Variants in SLC12A1 observed in about 807,000 individuals in gnomAD.
SLC12A1 encodes solute carrier family 12 member 1.
SLC12A1 carries 89 observed loss-of-function variants against 130.4 expected under a neutral mutation model. That is an observed-to-expected ratio of 0.68 (90% CI 0.58 to 0.81). SLC12A1 has a LOEUF of 0.81. SLC12A1 is among the 40% of genes least tolerant of loss of function. SLC12A1 has a pLI of 0.00. For missense variants in SLC12A1, 1,310 were observed against 1,336.4 expected, an observed-to-expected ratio of 0.98 and a Z score of 0.31; for synonymous variants, 499 against 460.0, an observed-to-expected ratio of 1.08 and a Z score of -1.09.
At chr15:48,212,843 T>C in intron 2 of SLC12A1, among the ~76,000 whole-genome samples, 1 of 152,162 alleles carries the variant, frequency 6.6e-6, no homozygotes, top group East Asian at 1.9e-4. Context: ...ATGAAATGAC[T>C]ATATTTGGAT....
intron 9 of SLC12A1, among the ~76,000 whole-genome samples, chr15:48,236,554 A>G (rs2041442326): frequency 6.6e-6 from 1 of 152,186 alleles, no homozygotes; most frequent in South Asian, 2.1e-4. Context: ...ACTCCATGAA[A>G]GTAGAGAGTT....
chr15:48,256,038 A>C, intron 16 of SLC12A1, 128 bp downstream of exon 16: 1 of 671,770 alleles, frequency 1.5e-6, no homozygotes, highest in Non-Finnish European at 2.7e-6. Flanking sequence ...AGTCATACAA[A>C]ACTGCCACAT....
Position 48,220,977 on chromosome 15 carries a change from T to C in SLC12A1, c.609T>C (p.Ile203=). 6.2e-7 allele frequency: 1 copy of C among 1,614,048 alleles called. No homozygotes were observed. Among genetic ancestry groups the C allele is most frequent in the Non-Finnish European group, 8.5e-7 (1 of 1,179,886 alleles). The change falls in exon 4 of 27, where the codon ATT becomes ATC. Residue 203 remains isoleucine, a synonymous_variant. Transcript: ENST00000380993. The part of the protein sequence containing the change: ...GVMLFIRLSW[I]VGEAGIGLGV... ...TGCTCTTCATTCGCCTCTCCTGGAT[T>C]GTTGGAGAAGCTGGAATTGGTAAGC...
At chr15:48,293,546 T>C (rs2042142564) in intron 24 of SLC12A1, among the ~76,000 whole-genome samples, 1 of 152,222 alleles carries the variant, frequency 6.6e-6, no homozygotes, top group South Asian at 2.1e-4. Context: ...TTGTACTTCT[T>C]GATGGATTAT....
At chr15:48,226,595 GC>G (rs771906087) in intron 5 of SLC12A1, 24 bp downstream of exon 5, 199 of 1,436,626 alleles carry the variant, frequency 1.4e-4, no homozygotes, top group Non-Finnish European at 1.9e-4. Context: ...GATATCTAAT[GC>G]CCTCATCACT....
At position 48,234,083 on chromosome 15, in the gene SLC12A1, G is replaced by A. The variant is rs78039717; in HGVS notation, c.1088-794G>A. Among the ~76,000 whole-genome samples, 112 of 152,228 alleles carry A rather than the reference G, an allele frequency of 7.4e-4. 1 individual carries two copies. The East Asian group carries it at 0.02, about 28-fold the overall frequency. ...AAGTAAAGAGATTCATGCATTAGTAGCAAAATTGTAAAGTAGACTCACACA... is the reference window on the plus strand; with the variant it reads ...AAGTAAAGAGATTCATGCATTAGTAACAAAATTGTAAAGTAGACTCACACA... On this transcript the variant is annotated intron_variant, in intron 8 of 26. Coordinates refer to ENST00000380993, the MANE Select transcript of SLC12A1 (RefSeq NM_000338.3).
intron 24 of SLC12A1, 103 bp downstream of exon 24, chr15:48,291,967 A>C: frequency 1.4e-6 from 1 of 731,860 alleles, no homozygotes; most frequent in Non-Finnish European, 2.3e-6. Context: ...TACTGCAGCG[A>C]CTTCTTGATA....
At chr15:48,262,190 A>G (rs1425726010) in intron 17 of SLC12A1, among the ~76,000 whole-genome samples, 8 of 152,210 alleles carry the variant, frequency 5.3e-5, no homozygotes, top group Admixed American at 1.3e-4. Flanking sequence ...CAGTTTGATC[A>G]TGATGTAACA....
At chr15:48,256,484 A>T (rs1249898942) in intron 16 of SLC12A1, among the ~76,000 whole-genome samples, 2 of 152,172 alleles carry the variant, frequency 1.3e-5, no homozygotes, top group Non-Finnish European at 2.9e-5. Flanking sequence ...AATACCCAAG[A>T]CTGGGTAATT....
At position 48,212,960 on chromosome 15, in the gene SLC12A1, CTG is replaced by C. The variant is rs552281904; in HGVS notation, c.420+4824_420+4825del. ...TTGAGAACTTGTTATGTTTCAGACACTGTGCTCACACTTAAAAAATTCTCACT... is the reference window on the plus strand; with the variant it reads ...TTGAGAACTTGTTATGTTTCAGACACTGCTCACACTTAAAAAATTCTCACT... On this transcript the variant is annotated intron_variant, in intron 2 of 26. Coordinates refer to ENST00000380993, the MANE Select transcript of SLC12A1 (RefSeq NM_000338.3). 1.3e-3 allele frequency among the ~76,000 whole-genome samples: 194 copies of C among 152,334 alleles called. 1 individual carries two copies. The highest frequency in any genetic ancestry group is 4.6e-3 in the African/African-American group (193 of 41,588).
At chr15:48,269,797 T>G (rs1229728915) in intron 19 of SLC12A1, 33 bp downstream of exon 19, 1 of 1,191,968 alleles carries the variant, frequency 8.4e-7, no homozygotes, top group South Asian at 1.2e-5. Context: ...TGTTCTTGTT[T>G]ATAAAGCACT....
At position 48,255,805 on chromosome 15, in the gene SLC12A1, C is replaced by T. The variant is rs1038277205; in HGVS notation, c.1943-6C>T. ...TTTTTATGCCAATTTCCTCCTTTAT[C>T]CACAGATGTGAACTGGGGCTCCTCC... On this transcript the variant is annotated splice_region_variant and splice_polypyrimidine_tract_variant and intron_variant, in intron 15 of 26. Coordinates refer to ENST00000380993, the MANE Select transcript of SLC12A1 (RefSeq NM_000338.3). 2 of 1,581,748 alleles carry T rather than the reference C, an allele frequency of 1.3e-6. No homozygotes were observed. The highest frequency in any genetic ancestry group is 2.2e-5 in the East Asian group (1 of 44,496).
chr15:48,221,475 G>A (rs558156710), intron 4 of SLC12A1: 155 of 672,878 alleles, frequency 2.3e-4, no homozygotes, highest in Middle Eastern at 7.1e-4. Context: ...TGTTACTTTC[G>A]GGTACCAGCA....
At chr15:48,272,515 C>T (rs1015968706) in intron 19 of SLC12A1, among the ~76,000 whole-genome samples, 19 of 152,132 alleles carry the variant, frequency 1.2e-4, no homozygotes, top group African/African-American at 3.9e-4. Context: ...CAACCTCCAG[C>T]TCCCAGGTTC....
chr15:48,271,235 T>C (rs1247200810), intron 19 of SLC12A1, among the ~76,000 whole-genome samples: 1 of 152,012 alleles, frequency 6.6e-6, no homozygotes, highest in African/African-American at 2.4e-5. Context: ...AAAAGAAAGT[T>C]GAGCATTTCT....
chr15:48,299,879 A>G (rs1460409988), intron 25 of SLC12A1, among the ~76,000 whole-genome samples: 1 of 152,186 alleles, frequency 6.6e-6, no homozygotes, highest in Non-Finnish European at 1.5e-5. Context: ...CAGGGGGTCA[A>G]CAACTAAGTA....
At chr15:48,212,643 T>G (rs2041067959) in intron 2 of SLC12A1, among the ~76,000 whole-genome samples, 1 of 152,226 alleles carries the variant, frequency 6.6e-6, no homozygotes, top group South Asian at 2.1e-4. Flanking sequence ...TCAGCCTTAC[T>G]AACCACCATT....
At position 48,301,503 on chromosome 15, in the gene SLC12A1, G is replaced by GC. The variant is rs1555387783; in HGVS notation, c.3164+121_3164+122insC. On this transcript the variant is annotated intron_variant, in intron 26 of 26. Coordinates refer to ENST00000380993, the MANE Select transcript of SLC12A1 (RefSeq NM_000338.3). ...TTTGTTTTGTTTTTGTGTTTTTTTT[G>GC]GGGGGGGGAACACGTGGGATTCTTA... The GC allele has an allele frequency of 2.5e-3, 1,109 of 442,676 alleles. 28 individuals are homozygous for GC. Among genetic ancestry groups the GC allele is most frequent in the Middle Eastern group, 0.014 (34 of 2,470 alleles). 27.4% of individuals were successfully genotyped at this position (442,676 alleles called of 1,614,324 possible).
chr15:48,251,851 T>C, intron 15 of SLC12A1, 81 bp downstream of exon 15: 1 of 1,268,554 alleles, frequency 7.9e-7, no homozygotes, highest in South Asian at 1.3e-5. Flanking sequence ...GAGCAGCTTC[T>C]ATGGGCTTAG....
Sources: gnomAD v4.1 joint callset for allele counts (sites outside exome capture counted in the v4.1 genomes callset) on GRCh38, gnomAD v4.1.1 for gene constraint, MANE v1.5 for transcripts, NCBI Gene and HGNC (gene_info 2026-07-23, HGNC 2026-07-21) for gene names.